SYN3: variants seen among roughly 807,000 people sequenced by gnomAD.
SYN3 encodes synapsin-3.
SYN3 carries 35 observed loss-of-function variants against 65.8 expected under a neutral mutation model. That is an observed-to-expected ratio of 0.53 (90% CI 0.41 to 0.70). The LOEUF is 0.70. Ranked by LOEUF, SYN3 falls within the 30% of genes least tolerant of loss-of-function variation. The probability of loss-of-function intolerance (pLI) is 0.00; values close to 1 mark genes in which losing one functional copy is unlikely to be tolerated. For synonymous variants in SYN3, 270 were observed against 292.9 expected (o/e 0.92, Z 0.80); for missense variants, 680 against 749.0 (o/e 0.91, Z 1.08).
intron 4 of SYN3, among the ~76,000 whole-genome samples, chr22:32,920,934 A>AGCTTCAATGGACCAGCTCTCCT (rs2050320603): frequency 6.6e-6 from 1 of 152,170 alleles, no homozygotes; most frequent in Admixed American, 6.5e-5. Flanking sequence ...CCCCAGTTAT[A>AGCTTCAATGGACCAGCTCTCCT]GCTTCAATGG....
Position 32,732,904 on chromosome 22 carries a change from G to A in SYN3, c.711+132011C>T, listed in dbSNP as rs117062350. 4.0e-3 allele frequency among the ~76,000 whole-genome samples: 615 copies of A among 152,262 alleles called. 2 individuals carry two copies. Among genetic ancestry groups the A allele is most frequent in the Non-Finnish European group, 6.6e-3 (450 of 68,036 alleles). On this transcript the variant is annotated intron_variant, in intron 6 of 13. Transcript: ENST00000358763. ...CAACTTTATAAAGCTATTTCCATAAGTCTTATATTATCCTTTGGAAAAAAT... is the reference window on the plus strand; with the variant it reads ...CAACTTTATAAAGCTATTTCCATAAATCTTATATTATCCTTTGGAAAAAAT...
chr22:32,681,001 C>T (rs963689360), intron 6 of SYN3, among the ~76,000 whole-genome samples: 15 of 152,354 alleles, frequency 9.8e-5, no homozygotes, highest in African/African-American at 3.6e-4. Flanking sequence ...TTATTTAAAG[C>T]TCAGCACAAT....
intron 2 of SYN3, among the ~76,000 whole-genome samples, chr22:32,984,922 C>G (rs2052478056): frequency 6.6e-6 from 1 of 152,184 alleles, no homozygotes; most frequent in Non-Finnish European, 1.5e-5. Flanking sequence ...ACTTAGCCCT[C>G]TGGGTCTCAG....
intron 6 of SYN3, among the ~76,000 whole-genome samples, chr22:32,836,490 A>ATTTAT (rs1472717992): frequency 1.3e-5 from 2 of 152,162 alleles, no homozygotes; most frequent in African/African-American, 4.8e-5. Flanking sequence ...TTCTTTACTT[A>ATTTAT]TTTATTTTAT....
chr22:32,905,082 TAA>T (rs990573545), intron 4 of SYN3, among the ~76,000 whole-genome samples: 1 of 152,168 alleles, frequency 6.6e-6, no homozygotes, highest in Non-Finnish European at 1.5e-5. Context: ...TTAAGTGAAC[TAA>T]AGAGTCTCTT....
intron 6 of SYN3, among the ~76,000 whole-genome samples, chr22:32,850,512 C>A (rs1015357383): frequency 1.3e-5 from 2 of 152,160 alleles, no homozygotes; most frequent in African/African-American, 4.8e-5. Context: ...ATCACCCCAT[C>A]TTTGTAAGCA....
intron 6 of SYN3, among the ~76,000 whole-genome samples, chr22:32,755,692 G>C (rs73408922): frequency 0.037 from 5,590 of 152,238 alleles, 336 homozygotes; most frequent in African/African-American, 0.13. Context: ...AGAACACTTT[G>C]TCATTCTGTT....
intron 4 of SYN3, among the ~76,000 whole-genome samples, chr22:32,871,494 C>T (rs183326548): frequency 6.6e-6 from 1 of 152,352 alleles, no homozygotes; most frequent in East Asian, 1.9e-4. Context: ...CACTCCCCTG[C>T]TTCAAACCCT....
intron 6 of SYN3, among the ~76,000 whole-genome samples, chr22:32,841,243 A>G (rs1399638800): frequency 6.6e-6 from 1 of 152,230 alleles, no homozygotes; most frequent in Non-Finnish European, 1.5e-5. Flanking sequence ...GGAGGCTTAC[A>G]TTTTAATGGG....
At chr22:32,866,463 G>A (rs1259553504) in intron 5 of SYN3, among the ~76,000 whole-genome samples, 1 of 152,160 alleles carries the variant, frequency 6.6e-6, no homozygotes, top group East Asian at 1.9e-4. Flanking sequence ...TGATTCCGCA[G>A]GTAAGCACAT....
intron 6 of SYN3, among the ~76,000 whole-genome samples, chr22:32,720,759 G>A (rs1466407662): frequency 6.6e-6 from 1 of 152,228 alleles, no homozygotes; most frequent in Non-Finnish European, 1.5e-5. Context: ...CAAGGAAACT[G>A]TTGTTATTAT....
intron 6 of SYN3, among the ~76,000 whole-genome samples, chr22:32,732,156 G>C (rs1345145913): frequency 6.6e-6 from 1 of 152,172 alleles, no homozygotes; most frequent in East Asian, 1.9e-4. Flanking sequence ...ACCTCTGTTT[G>C]GGAAGTATTC....
chr22:32,968,447 A>G (rs2051914872), intron 3 of SYN3, among the ~76,000 whole-genome samples: 1 of 152,210 alleles, frequency 6.6e-6, no homozygotes, highest in Non-Finnish European at 1.5e-5. Flanking sequence ...TCACGGTCAC[A>G]GCACTCCATG....
intron 6 of SYN3, among the ~76,000 whole-genome samples, chr22:32,600,600 C>T (rs933043963): frequency 6.6e-6 from 1 of 152,158 alleles, no homozygotes; most frequent in Admixed American, 6.5e-5. Context: ...CAGACCACCA[C>T]GGTCTTCCCG....
At chr22:32,761,675 A>G (rs1340526056) in intron 6 of SYN3, among the ~76,000 whole-genome samples, 4 of 152,184 alleles carry the variant, frequency 2.6e-5, no homozygotes, top group African/African-American at 9.7e-5. Context: ...TTCTTTGGTG[A>G]TAACAGCTGC....
chr22:32,533,718 C>T lies in SYN3; in HGVS notation c.1095+75G>A, dbSNP rs1443903727. On this transcript the variant is annotated intron_variant, in intron 10 of 13. Coordinates refer to ENST00000358763, the MANE Select transcript of SYN3 (RefSeq NM_003490.4). ...GGACACAGCTGATGGTGCCAAAGAC[C>T]ATGCAGGGATTCCCTCCCCCTGGCA... is the stretch of plus-strand genomic sequence containing the variant. The T allele has an allele frequency of 1.2e-5, 12 of 1,022,490 alleles. No individual in the cohort carries two copies. The East Asian group carries it at 2.9e-4, about 25-fold the overall frequency. The allele number at this position is 1,022,490 out of a possible 1,614,324, so 63.3% of individuals were successfully genotyped here.
intron 6 of SYN3, among the ~76,000 whole-genome samples, chr22:32,771,367 G>T (rs1162205648): frequency 6.6e-6 from 1 of 152,208 alleles, no homozygotes; most frequent in Non-Finnish European, 1.5e-5. Context: ...CCACAGAGTT[G>T]GTGACCAGAA....
intron 6 of SYN3, among the ~76,000 whole-genome samples, chr22:32,683,363 G>A (rs1332895391): frequency 1.3e-5 from 2 of 152,042 alleles, no homozygotes; most frequent in African/African-American, 4.8e-5. Flanking sequence ...CTCCTCTCTA[G>A]GCTTCCATGG....
intron 4 of SYN3, among the ~76,000 whole-genome samples, chr22:32,902,428 C>A (rs9619317): frequency 0.055 from 8,420 of 152,222 alleles, 259 homozygotes; most frequent in Middle Eastern, 0.099. Context: ...GTATTCCAGG[C>A]AAGACTGGCC....
Sources: gnomAD v4.1 joint callset for allele counts (sites outside exome capture counted in the v4.1 genomes callset) on GRCh38, gnomAD v4.1.1 for gene constraint, MANE v1.5 for transcripts, NCBI Gene and HGNC (gene_info 2026-07-23, HGNC 2026-07-21) for gene names.